STK39: variants seen among roughly 807,000 people sequenced by gnomAD.
The protein encoded by STK39 is serine/threonine kinase 39.
A neutral mutation model predicts 77.8 loss-of-function variants in STK39; 20 were observed. The ratio of observed to expected loss-of-function variants is 0.26; its 90% CI spans 0.18 to 0.37. The LOEUF (loss-of-function observed/expected upper bound fraction) is 0.37, where lower values mean the gene tolerates loss of function less well. STK39 is among the 10% of genes least tolerant of loss of function. The pLI, the probability that STK39 is intolerant of heterozygous loss-of-function variation, is 1.00. For missense variants in STK39, 479 were observed against 656.5 expected (o/e 0.73, Z 2.95); for synonymous variants, 246 against 234.1 (o/e 1.05, Z -0.47).
intron 5 of STK39, among the ~76,000 whole-genome samples, chr2:168,151,697 C>T (rs953716140): frequency 2.0e-5 from 3 of 150,730 alleles, no homozygotes; most frequent in African/African-American, 7.4e-5. Context: ...CGAGATCACG[C>T]CACTGCACTC....
chr2:168,080,959 C>T (rs992934651), intron 10 of STK39, among the ~76,000 whole-genome samples: 1 of 152,222 alleles, frequency 6.6e-6, no homozygotes, highest in Non-Finnish European at 1.5e-5. Context: ...GAACTGGGAA[C>T]CTCTGCCTAG....
At chr2:168,089,699 C>T (rs7603578) in intron 10 of STK39, among the ~76,000 whole-genome samples, 13 of 152,178 alleles carry the variant, frequency 8.5e-5, no homozygotes, top group East Asian at 7.7e-4. Flanking sequence ...CCACAACCTC[C>T]GCCTCCCAGG....
chr2:167,983,717 G>A (rs796708703), intron 16 of STK39, among the ~76,000 whole-genome samples: 22 of 152,258 alleles, frequency 1.4e-4, no homozygotes, highest in African/African-American at 5.1e-4. Flanking sequence ...CGCTGGGAAT[G>A]CAGCACTCTC....
chr2:168,119,981 T>C (rs907095284), intron 10 of STK39, among the ~76,000 whole-genome samples: 1 of 152,188 alleles, frequency 6.6e-6, no homozygotes, highest in African/African-American at 2.4e-5. Context: ...TCGACCTCCT[T>C]AGGCCTTAAT....
At chr2:168,155,368 C>T (rs3820866) in intron 5 of STK39, among the ~76,000 whole-genome samples, 61,973 of 151,958 alleles carry the variant, frequency 0.41, 14,411 homozygotes, top group East Asian at 0.67. Context: ...TTCTAGAGCT[C>T]TTATCAAATG....
chr2:168,194,184 T>C (rs534735255), intron 1 of STK39, among the ~76,000 whole-genome samples: 1 of 152,270 alleles, frequency 6.6e-6, no homozygotes, highest in South Asian at 2.1e-4. Context: ...GAGGCCGACA[T>C]AGGCAGATCA....
intron 14 of STK39, among the ~76,000 whole-genome samples, chr2:168,046,896 G>T (rs1327793996): frequency 1.3e-5 from 2 of 152,192 alleles, no homozygotes; most frequent in Non-Finnish European, 2.9e-5. Flanking sequence ...GCCATTAAAA[G>T]ATGGGAAGGG....
intron 10 of STK39, among the ~76,000 whole-genome samples, chr2:168,098,056 A>C (rs1312938544): frequency 2.0e-5 from 3 of 152,232 alleles, no homozygotes; most frequent in African/African-American, 4.8e-5. Flanking sequence ...GGGTAAGTGA[A>C]ACAACTGTGT....
chr2:167,984,101 G>C (rs1208551591), intron 16 of STK39, among the ~76,000 whole-genome samples: 1 of 152,132 alleles, frequency 6.6e-6, no homozygotes, highest in African/African-American at 2.4e-5. Flanking sequence ...GCAGATGTGT[G>C]TTCTAATACG....
intron 10 of STK39, among the ~76,000 whole-genome samples, chr2:168,098,978 C>T (rs1467251848): frequency 6.6e-6 from 1 of 152,202 alleles, no homozygotes; most frequent in Non-Finnish European, 1.5e-5. Flanking sequence ...TCTTGGAATC[C>T]AGTGACTACA....
intron 10 of STK39, among the ~76,000 whole-genome samples, chr2:168,084,260 A>C (rs1236160756): frequency 2.6e-5 from 4 of 152,206 alleles, no homozygotes; most frequent in Admixed American, 2.6e-4. Flanking sequence ...AGGATAACAA[A>C]GGCCTGAAAG....
chr2:167,989,537 C>CT (rs1296905855), intron 16 of STK39, among the ~76,000 whole-genome samples: 1 of 152,066 alleles, frequency 6.6e-6, no homozygotes, highest in Non-Finnish European at 1.5e-5. Context: ...AATTTGGCAC[C>CT]TGAGGGGTCC....
chr2:168,227,466 C>T (rs1690336995), intron 1 of STK39, among the ~76,000 whole-genome samples: 1 of 152,308 alleles, frequency 6.6e-6, no homozygotes, highest in Admixed American at 6.5e-5. Flanking sequence ...CCCACATCCG[C>T]ATGAAATCAC....
chr2:168,124,494 G>A (rs1247239706), intron 10 of STK39, among the ~76,000 whole-genome samples: 2 of 152,030 alleles, frequency 1.3e-5, no homozygotes, highest in Non-Finnish European at 2.9e-5. Context: ...TCTGCCTCCC[G>A]GATTCAAATG....
chr2:168,120,050 A>C (rs1687364572), intron 10 of STK39, among the ~76,000 whole-genome samples: 2 of 152,218 alleles, frequency 1.3e-5, no homozygotes, highest in Admixed American at 1.3e-4. Context: ...TCTCAATTTT[A>C]AAATCCTGTA....
At chr2:168,012,779 A>T (rs1349597862) in intron 15 of STK39, 77 bp from the exon 16 acceptor site, 16 of 1,217,650 alleles carry the variant, frequency 1.3e-5, no homozygotes, top group Non-Finnish European at 1.8e-5. Context: ...TAAAATATAT[A>T]TTTTTCATTT....
At chr2:168,019,005 C>T (rs953033036) in intron 14 of STK39, among the ~76,000 whole-genome samples, 2 of 151,976 alleles carry the variant, frequency 1.3e-5, no homozygotes, top group East Asian at 3.9e-4. Flanking sequence ...CAAGACATGT[C>T]CAAGCCCACA....
intron 1 of STK39, among the ~76,000 whole-genome samples, chr2:168,218,669 G>C (rs1690085457): frequency 6.6e-6 from 1 of 152,094 alleles, no homozygotes; most frequent in South Asian, 2.1e-4. Context: ...CAGCCATAGA[G>C]AACAAACAGA....
At chr2:168,167,235 T>C in intron 3 of STK39, 64 bp downstream of exon 3, 2 of 1,372,974 alleles carry the variant, frequency 1.5e-6, no homozygotes, top group Non-Finnish European at 2.1e-6. Context: ...TCTTCTCCAA[T>C]ATGCTGGTTC....
Sources: allele counts gnomAD v4.1 joint callset (sites outside exome capture counted in the v4.1 genomes callset), GRCh38; gene constraint gnomAD v4.1.1; transcripts MANE v1.5; gene names NCBI Gene and HGNC (gene_info 2026-07-23, HGNC 2026-07-21).